Variants in DNAAF9 observed in about 807,000 individuals in gnomAD.
DNAAF9 encodes the protein dynein axonemal assembly factor 9, also known as shulin.
Under a neutral mutation model 167.0 loss-of-function variants are expected in DNAAF9, and 90 were observed. That is an observed-to-expected ratio of 0.54 (90% confidence interval 0.45 to 0.64). The LOEUF (loss-of-function observed/expected upper bound fraction) is 0.64. DNAAF9 is among the 30% of genes least tolerant of loss of function. The pLI, the probability that DNAAF9 is intolerant of heterozygous loss-of-function variation, is 0.00. For missense variants in DNAAF9, 1,315 were observed against 1,442.2 expected (o/e 0.91, Z 1.43); for synonymous variants, 491 against 508.8 (o/e 0.96, Z 0.47).
rs1443406030 is a variant in DNAAF9 at position 3,250,447 on chromosome 20, G to A, written c.*2125C>T. 1 of 152,254 alleles carries A rather than the reference G, an allele frequency of 6.6e-6. No individual in the cohort carries two copies. The highest frequency in any genetic ancestry group is 2.4e-5 in the African/African-American group (1 of 41,464). 9.4% of individuals were successfully genotyped at this position (152,254 alleles called of 1,614,324 possible). A position where few individuals can be genotyped will look rare whatever the true frequency, so the allele number is the denominator to read the frequency against. On this transcript the variant is annotated 3_prime_UTR_variant, in exon 37 of 37. Coordinates refer to ENST00000252032, the MANE Select transcript of DNAAF9 (RefSeq NM_001009984.3). The stretch of plus-strand genomic sequence containing the variant: ...AGTAGGCTGAGGAGCATCAACAGAG[G>A]CCTCAGCCAGTTTTGCCTTTTTGGC...
chr20:3,282,037 G>A (rs1253407703), intron 27 of DNAAF9, among the ~76,000 whole-genome samples: 7 of 152,200 alleles, frequency 4.6e-5, no homozygotes, highest in Non-Finnish European at 4.4e-5. Context: ...GCCTGCAGGC[G>A]ATCCTGGAGC....
intron 30 of DNAAF9, among the ~76,000 whole-genome samples, chr20:3,266,639 G>A (rs768364778): frequency 1.3e-5 from 2 of 151,318 alleles, no homozygotes; most frequent in Non-Finnish European, 2.9e-5. Context: ...CACCATGCCC[G>A]GCTTATTTTT....
chr20:3,333,818 T>TC (rs2069885133), intron 10 of DNAAF9, among the ~76,000 whole-genome samples: 1 of 152,146 alleles, frequency 6.6e-6, no homozygotes, highest in African/African-American at 2.4e-5. Context: ...GAAGTCTATC[T>TC]CAGTCAGAAG....
chr20:3,350,303 A>G (rs2070296677), intron 7 of DNAAF9, among the ~76,000 whole-genome samples: 1 of 151,958 alleles, frequency 6.6e-6, no homozygotes, highest in African/African-American at 2.4e-5. Flanking sequence ...ACATAGTGAC[A>G]CCCCATCTCT....
chr20:3,306,118 T>A (rs937966296), intron 20 of DNAAF9, among the ~76,000 whole-genome samples: 8 of 152,156 alleles, frequency 5.3e-5, no homozygotes, highest in African/African-American at 2.4e-5. Flanking sequence ...CTGAATGTGC[T>A]CAGTCTTCCC....
intron 23 of DNAAF9, chr20:3,296,511 G>A (rs1297612984): frequency 3.3e-6 from 1 of 299,014 alleles, no homozygotes; most frequent in Non-Finnish European, 6.3e-6. Context: ...CTGACTAGCT[G>A]AGACTACAGG....
chr20:3,397,526 G>A (rs2083927028), intron 1 of DNAAF9, among the ~76,000 whole-genome samples: 1 of 152,074 alleles, frequency 6.6e-6, no homozygotes, highest in African/African-American at 2.4e-5. Context: ...CACCATGTTA[G>A]CCAGGATGGT....
At chr20:3,338,569 G>A (rs773066343) in intron 10 of DNAAF9, among the ~76,000 whole-genome samples, 27 of 150,748 alleles carry the variant, frequency 1.8e-4, no homozygotes, top group Non-Finnish European at 3.5e-4. Context: ...TACTTCTTCC[G>A]TTTCCTTCTC....
intron 13 of DNAAF9, among the ~76,000 whole-genome samples, chr20:3,325,660 T>C (rs528664434): frequency 1.3e-5 from 2 of 152,296 alleles, no homozygotes; most frequent in Non-Finnish European, 2.9e-5. Flanking sequence ...TCTTCTCATC[T>C]CCTTACTGGG....
intron 25 of DNAAF9, among the ~76,000 whole-genome samples, chr20:3,290,524 ATTAG>A: frequency 6.6e-6 from 1 of 152,312 alleles, no homozygotes; most frequent in South Asian, 2.1e-4. Context: ...TTGTGAATAG[ATTAG>A]TTAAAATACA....
chr20:3,315,826 A>C lies in DNAAF9; in HGVS notation c.1540-41T>G. 6.8e-7 allele frequency: 1 copy of C among 1,479,256 alleles called. No homozygotes were observed. The highest frequency in any genetic ancestry group is 9.5e-7 in the Non-Finnish European group (1 of 1,057,024). The allele number at this position is 1,479,256 out of a possible 1,614,324, so 91.6% of individuals were successfully genotyped here. On this transcript the variant is annotated intron_variant, in intron 18 of 36. Coordinates refer to ENST00000252032, the MANE Select transcript of DNAAF9 (RefSeq NM_001009984.3). This position sits in a 1 kb window ranked among gnomAD's most constrained non-coding sequence, Gnocchi z 4.1. ...ATGCAGATTTTCAGTCAACTACTTC[A>C]AGGGAAAACCCTGCTAGGTCTCCCC... is the stretch of plus-strand genomic sequence containing the variant.
At chr20:3,300,310 C>T (rs374830172) in intron 21 of DNAAF9, among the ~76,000 whole-genome samples, 138 of 152,128 alleles carry the variant, frequency 9.1e-4, no homozygotes, top group Middle Eastern at 3.4e-3. Flanking sequence ...TTCTGAGTCA[C>T]GAACATGGAT....
intron 3 of DNAAF9, 67 bp from the exon 4 acceptor site, chr20:3,376,369 CAT>C (rs1368736678): frequency 7.4e-5 from 98 of 1,317,962 alleles, no homozygotes; most frequent in Non-Finnish European, 3.1e-6. Flanking sequence ...TTTCTGCCCA[CAT>C]AATTAGTAAA....
intron 23 of DNAAF9, chr20:3,295,430 C>A (rs564903882): frequency 5.2e-5 from 13 of 250,794 alleles, no homozygotes; most frequent in Non-Finnish European, 8.5e-5. Context: ...TCCACCACCT[C>A]GGCCTCCCAA....
intron 25 of DNAAF9, among the ~76,000 whole-genome samples, chr20:3,293,606 G>A (rs571835085): frequency 7.0e-6 from 1 of 143,182 alleles, no homozygotes; most frequent in Admixed American, 7.3e-5. Context: ...AATCACTTGA[G>A]CCCAGGGGGC....
In DNAAF9 at chr20:3,282,314, C is replaced by T. The variant is rs115811378; in HGVS notation, c.2487-548G>A. On this transcript the variant is annotated intron_variant, in intron 27 of 36. Transcript: ENST00000252032. ...GGACTCTACTCTTTCAGATGCTAGG[C>T]TCAAATATATTTTTTTTGGTCTCCT... 6.6e-3 allele frequency among the ~76,000 whole-genome samples: 1,003 copies of T among 152,210 alleles called. 9 individuals carry two copies. The highest frequency in any genetic ancestry group is 0.023 in the African/African-American group (960 of 41,526).
At position 3,292,477 on chromosome 20, in the gene DNAAF9, T is replaced by C. The variant is rs545418838; in HGVS notation, c.2238+1662A>G. On this transcript the variant is annotated intron_variant, in intron 25 of 36. Coordinates refer to ENST00000252032, the MANE Select transcript of DNAAF9 (RefSeq NM_001009984.3). ...TCCTCTTTGAGCCTATTAAGACTTA[T>C]GGTTCTGGGCTGGGCGCGGTGGCTC... is the stretch of plus-strand genomic sequence containing the variant. 3.3e-5 allele frequency among the ~76,000 whole-genome samples: 5 copies of C among 152,146 alleles called. No homozygotes were observed. The South Asian group carries it at 6.3e-4, about 19-fold the overall frequency.
chr20:3,290,336 C>T, intron 25 of DNAAF9, 119 bp from the exon 26 acceptor site: 1 of 706,438 alleles, frequency 1.4e-6, no homozygotes, highest in Non-Finnish European at 2.6e-6. Context: ...TATGACCTCT[C>T]ACTAACTCTG....
At chr20:3,279,365 A>G (rs2068728679) in intron 28 of DNAAF9, among the ~76,000 whole-genome samples, 1 of 152,236 alleles carries the variant, frequency 6.6e-6, no homozygotes, top group South Asian at 2.1e-4. Context: ...CTCTTTATGT[A>G]CATGCTATAA....
Sources: allele counts gnomAD v4.1 joint callset (sites outside exome capture counted in the v4.1 genomes callset), GRCh38; gene constraint gnomAD v4.1.1; non-coding constraint Gnocchi (gnomAD v3.1); transcripts MANE v1.5; gene names NCBI Gene and HGNC (gene_info 2026-07-23, HGNC 2026-07-21).